The following ADAMTS15 variants were observed in gnomAD, a reference collection of about 807,000 sequenced individuals.
The protein encoded by ADAMTS15 is ADAM metallopeptidase with thrombospondin type 1 motif 15.
Under a neutral mutation model 79.1 loss-of-function variants are expected in ADAMTS15, and 35 were observed. The observed-to-expected ratio is 0.44, with a 90% CI of 0.34 to 0.59. ADAMTS15 has a LOEUF of 0.59. Among genes scored for constraint, ADAMTS15 ranks in the 20% least tolerant of loss-of-function variants. The pLI is 0.02. For synonymous variants in ADAMTS15, 616 were observed against 567.3 expected (o/e 1.09, Z -1.22); for missense variants, 1,324 against 1,318.7 (o/e 1.00, Z -0.06).
Position 130,449,267 on chromosome 11 carries a change from G to T in ADAMTS15, c.294G>T (p.Leu98=). The change falls in exon 1 of 8, where the codon CTG becomes CTT. Residue 98 remains leucine (L), a synonymous_variant. Transcript: ENST00000299164. This position sits in a 1 kb window ranked among gnomAD's most constrained non-coding sequence, Gnocchi z 7.8. The stretch of plus-strand genomic sequence containing the variant: ...GGCTCACCGGGGGCTCTTCAGACCT[G>T]CGACGCTGCTTCTATTCTGGGGACG... ...LQGLTGGSSD[L]RRCFYSGDVN... 1 of 1,612,884 alleles carries T rather than the reference G, an allele frequency of 6.2e-7. No homozygotes were observed. The highest frequency in any genetic ancestry group is 2.2e-5 in the East Asian group (1 of 44,876).
chr11:130,464,389 A>G (rs74540794), intron 4 of ADAMTS15, among the ~76,000 whole-genome samples: 7,141 of 152,162 alleles, frequency 0.047, 525 homozygotes, highest in African/African-American at 0.16. Flanking sequence ...CCTTCATGGA[A>G]GTCATTGCCC....
chr11:130,470,801 C>T, intron 5 of ADAMTS15, 119 bp from the exon 6 acceptor site: 1 of 1,163,894 alleles, frequency 8.6e-7, no homozygotes, highest in Non-Finnish European at 1.2e-6. Flanking sequence ...GAGGTTGCAG[C>T]TTTGGTGATG....
intron 1 of ADAMTS15, among the ~76,000 whole-genome samples, chr11:130,459,032 T>G (rs1396270779): frequency 7.3e-6 from 1 of 137,844 alleles, no homozygotes; most frequent in African/African-American, 2.8e-5. Flanking sequence ...AGTGTTTTTT[T>G]TTTTTTTTTT....
At position 130,462,443 on chromosome 11, in the gene ADAMTS15, A is replaced by G. The variant is rs11604959; in HGVS notation, c.1259-54A>G. 791,848 of 1,543,628 alleles carry G rather than the reference A, an allele frequency of 0.51. 205,177 individuals carry two copies. Among genetic ancestry groups the G allele is most frequent in the African/African-American group, 0.54 (40,023 of 73,624 alleles). On this transcript the variant is annotated intron_variant, in intron 3 of 7. Transcript: ENST00000299164. The surrounding 1 kb of genome is among the most constrained non-coding windows in gnomAD (Gnocchi z 4.3). ...CCCCTTACCATTCAGATTCTGGGCT[A>G]GCCAAACCTCATCTTCCCAGCTCAT...
chr11:130,473,282 TC>T lies in ADAMTS15; in HGVS notation c.2317del (p.Arg773GlyfsTer7). On this transcript the variant is annotated frameshift_variant, in exon 8 of 8. Coordinates refer to ENST00000299164, the MANE Select transcript of ADAMTS15 (RefSeq NM_139055.4). LOFTEE classifies it high-confidence loss of function. The part of the protein sequence containing the change: ...TGTAVESLQA[S>X]RPILEPLTVE... ...CACAGCGGTGGAGAGCCTGCAGGCT[TC>T]CCGGCCCATCCTGGAGCCGCTGACC... 6.2e-7 allele frequency: 1 copy of T among 1,613,074 alleles called. No homozygotes were observed.
In ADAMTS15 at chr11:130,469,417, T is replaced by C. The variant is rs731446; in HGVS notation, c.1698T>C (p.Asn566=). 0.61 allele frequency: 823,297 copies of C among 1,341,558 alleles called. 255,695 individuals carry two copies. Among genetic ancestry groups the C allele is most frequent in the African/African-American group, 0.77 (51,279 of 66,540 alleles). The allele number at this position is 1,341,558 out of a possible 1,614,324, so 83.1% of individuals were successfully genotyped here. ...TGAGGGTGAAATACCGATCCTGCAA[T>C]CTGGAGCCCTGCCCCAGCTCAGGTG... ...EGVRVKYRSC[N]LEPCPSSASG... is the part of the protein sequence containing the mutation. Residue 566 remains asparagine (N), a synonymous_variant, in exon 5 of 8, where the codon AAT becomes AAC. Coordinates refer to ENST00000299164, the MANE Select transcript of ADAMTS15 (RefSeq NM_139055.4).
chr11:130,464,597 C>T (rs1316792942), intron 4 of ADAMTS15, among the ~76,000 whole-genome samples: 1 of 152,114 alleles, frequency 6.6e-6, no homozygotes, highest in African/African-American at 2.4e-5. Context: ...CATGCCTCAC[C>T]CTTCCCATCA....
chr11:130,451,638 C>A (rs938448833), intron 1 of ADAMTS15, among the ~76,000 whole-genome samples: 1 of 152,116 alleles, frequency 6.6e-6, no homozygotes, highest in Admixed American at 6.5e-5. Context: ...TTGCCCCATT[C>A]GTTACCTGGG....
Position 130,471,379 on chromosome 11 carries a change from C to G in ADAMTS15, c.2074C>G (p.Pro692Ala), listed in dbSNP as rs1436387753. Residue 692 changes from proline to alanine, a missense_variant, in exon 7 of 8, where the codon CCC becomes GCC. Pro to Ala is a conservative substitution (Grantham distance 27). Transcript: ENST00000299164. ...GAAGGTGACTGGACTCTTCACCAAG[C>G]CCATGTGAGTTCTGGGCCCTGAAGG... is the stretch of plus-strand genomic sequence containing the variant. ...CKKVTGLFTK[P>A]MHGYNFVVAI... 2 of 1,606,906 alleles carry G rather than the reference C, an allele frequency of 1.2e-6. No individual in the cohort carries two copies. Among genetic ancestry groups the G allele is most frequent in the Non-Finnish European group, 1.7e-6 (2 of 1,178,452 alleles).
intron 4 of ADAMTS15, among the ~76,000 whole-genome samples, chr11:130,467,372 G>A (rs761298448): frequency 1.4e-4 from 22 of 152,288 alleles, no homozygotes; most frequent in Non-Finnish European, 2.2e-4. Context: ...GGGAGTGAAA[G>A]GATGGAATGA....
chr11:130,458,744 C>G (rs1938140202), intron 1 of ADAMTS15, among the ~76,000 whole-genome samples: 1 of 152,204 alleles, frequency 6.6e-6, no homozygotes, highest in African/African-American at 2.4e-5. Flanking sequence ...TGCGCCCTCT[C>G]CCTCTTACAC....
intron 5 of ADAMTS15, among the ~76,000 whole-genome samples, chr11:130,470,157 T>C (rs1465531035): frequency 7.4e-5 from 3 of 40,344 alleles, no homozygotes; most frequent in South Asian, 7.0e-4. Flanking sequence ...TATATGTGTA[T>C]ATATATATAT....
At chr11:130,466,691 C>G (rs529582746) in intron 4 of ADAMTS15, among the ~76,000 whole-genome samples, 24 of 152,336 alleles carry the variant, frequency 1.6e-4, no homozygotes, top group African/African-American at 5.5e-4. Flanking sequence ...CCCGCCATGG[C>G]AGCTCTTTTG....
rs927601598 is a variant in ADAMTS15 at position 130,471,098 on chromosome 11, C to T, written c.1899C>T (p.Pro633=). 3.1e-6 allele frequency: 5 copies of T among 1,612,208 alleles called. No individual in the cohort carries two copies. The highest frequency in any genetic ancestry group is 4.2e-6 in the Non-Finnish European group (5 of 1,179,048). Residue 633 remains proline, a synonymous_variant, in exon 6 of 8, where the codon CCC becomes CCT. Transcript: ENST00000299164. ...NGTGYFYVLA[P]KVVDGTLCSP... is the part of the protein sequence containing the mutation. The stretch of plus-strand genomic sequence containing the variant: ...CTGGCTACTTCTATGTGCTGGCACC[C>T]AAGGTGAGTGAGCCTGGGGCCTGAG...
Position 130,458,151 on chromosome 11 carries a change from T to A in ADAMTS15, c.958-3338T>A, listed in dbSNP as rs1241350931. 3.3e-5 allele frequency among the ~76,000 whole-genome samples: 5 copies of A among 152,106 alleles called. No homozygotes were observed. In the South Asian group the frequency reaches 1.0e-3, roughly 32 times the overall value. ...CCCAGCCACAGAGGCGGCTGCGGGGTGGCTGAGTTCCAGACGCCCTCTAGA... is the reference window on the plus strand; with the variant it reads ...CCCAGCCACAGAGGCGGCTGCGGGGAGGCTGAGTTCCAGACGCCCTCTAGA... On this transcript the variant is annotated intron_variant, in intron 1 of 7. Transcript: ENST00000299164.
chr11:130,450,313 T>C, intron 1 of ADAMTS15: 1 of 985,448 alleles, frequency 1.0e-6, no homozygotes, highest in South Asian at 4.7e-5. Flanking sequence ...GGCCCACCCC[T>C]ATTGTATGGG....
chr11:130,473,521 C>T lies in ADAMTS15; in HGVS notation c.2553C>T (p.Cys851=), dbSNP rs763609052. 1.5e-5 allele frequency: 24 copies of T among 1,608,204 alleles called. No homozygotes were observed. The highest frequency in any genetic ancestry group is 5.0e-5 in the Admixed American group (3 of 59,814). ...ARWVAGSWGP[C]SASCGSGLQK... ...GGGTGGCTGGCAGCTGGGGGCCGTG[C>T]TCCGCGAGCTGCGGCAGTGGCCTGC... Residue 851 remains cysteine, a synonymous_variant, in exon 8 of 8, where the codon TGC becomes TGT. Coordinates refer to ENST00000299164, the MANE Select transcript of ADAMTS15 (RefSeq NM_139055.4).
In ADAMTS15 at chr11:130,449,334, G is replaced by T. The variant is rs1400093741; in HGVS notation, c.361G>T (p.Gly121Trp). ...CTCGTTCGCTGCTGTGAGCCTGTGC[G>T]GGGGGCTCCGCGGAGCCTTTGGCTA... ...PDSFAAVSLC[G>W]GLRGAFGYRG... The change falls in exon 1 of 8, where the codon GGG becomes TGG. Residue 121 changes from glycine to tryptophan, a missense_variant. Coordinates refer to ENST00000299164, the MANE Select transcript of ADAMTS15 (RefSeq NM_139055.4). The surrounding 1 kb of genome is among the most constrained non-coding windows in gnomAD (Gnocchi z 7.8). 5.6e-6 allele frequency: 9 copies of T among 1,608,750 alleles called. No homozygotes were observed. The highest frequency in any genetic ancestry group is 1.3e-5 in the African/African-American group (1 of 74,940).
At chr11:130,450,411 C>T in intron 1 of ADAMTS15, 1 of 985,436 alleles carries the variant, frequency 1.0e-6, no homozygotes, top group Non-Finnish European at 1.2e-6. Flanking sequence ...TGCTACATTT[C>T]TCTCGGGTAA....
Sources: allele counts gnomAD v4.1 joint callset (sites outside exome capture counted in the v4.1 genomes callset), GRCh38; gene constraint gnomAD v4.1.1; non-coding constraint Gnocchi (gnomAD v3.1); transcripts MANE v1.5; gene names NCBI Gene and HGNC (gene_info 2026-07-23, HGNC 2026-07-21).